Variants in ZFYVE9 observed in about 807,000 individuals in gnomAD.
ZFYVE9 encodes the protein zinc finger FYVE-type containing 9.
Under a neutral mutation model 126.7 loss-of-function variants are expected in ZFYVE9, and 43 were observed. That is an observed-to-expected ratio of 0.34 (90% CI 0.27 to 0.44). The LOEUF is 0.44. Among genes scored for constraint, ZFYVE9 ranks in the 20% least tolerant of loss-of-function variants. ZFYVE9 has a pLI of 1.00. For missense variants in ZFYVE9, 1,476 were observed against 1,697.0 expected (o/e 0.87, Z 2.29); for synonymous variants, 521 against 597.4 (o/e 0.87, Z 1.87).
At chr1:52,224,082 C>G (rs1645148555) in intron 2 of ZFYVE9, among the ~76,000 whole-genome samples, 1 of 152,104 alleles carries the variant, frequency 6.6e-6, no homozygotes, top group South Asian at 2.1e-4. Context: ...AAGCCAATAT[C>G]CCCTCCTCCT....
intron 12 of ZFYVE9, among the ~76,000 whole-genome samples, chr1:52,296,325 T>G (rs1047668433): frequency 2.0e-5 from 3 of 151,970 alleles, no homozygotes; most frequent in African/African-American, 7.2e-5. Context: ...CACCTAGCAT[T>G]CTGTCTTGTT....
intron 13 of ZFYVE9, among the ~76,000 whole-genome samples, chr1:52,331,802 CAG>C (rs1212433006): frequency 5.7e-5 from 8 of 140,410 alleles, no homozygotes; most frequent in South Asian, 2.3e-4. Context: ...TTTTTTGAGA[CAG>C]AGTCTTGCTC....
In ZFYVE9 at chr1:52,263,835, T is replaced by A. The variant is rs1367865574; in HGVS notation, c.2241T>A (p.Ala747=). ...TGTTATACATGGACAGAAAGGAAGCTAGAGTGTGTGTAATCTGCCATTCAG... is the reference window on the plus strand; with the variant it reads ...TGTTATACATGGACAGAAAGGAAGCAAGAGTGTGTGTAATCTGCCATTCAG... ...CKLLYMDRKE[A]RVCVICHSVL... The change falls in exon 5 of 19, where the codon GCT becomes GCA. Residue 747 remains alanine, a synonymous_variant. Coordinates refer to ENST00000287727, the MANE Select transcript of ZFYVE9 (RefSeq NM_004799.4). The A allele has an allele frequency of 6.6e-7, 1 of 1,511,712 alleles. No individual in the cohort carries two copies. Among genetic ancestry groups the A allele is most frequent in the Middle Eastern group, 1.8e-4 (1 of 5,554 alleles). 93.6% of individuals were successfully genotyped at this position (1,511,712 alleles called of 1,614,324 possible). A position where few individuals can be genotyped will look rare whatever the true frequency, so the allele number is the denominator to read the frequency against.
chr1:52,173,213 T>G (rs1003551190), intron 1 of ZFYVE9, among the ~76,000 whole-genome samples: 9 of 152,064 alleles, frequency 5.9e-5, no homozygotes, highest in Non-Finnish European at 1.3e-4. Context: ...TAGCATGAAG[T>G]GTTGTTGAAT....
At chr1:52,291,869 G>A (rs1223747351) in intron 10 of ZFYVE9, among the ~76,000 whole-genome samples, 2 of 127,982 alleles carry the variant, frequency 1.6e-5, no homozygotes, top group Non-Finnish European at 3.1e-5. Flanking sequence ...GTGGGTAACA[G>A]AGCGAGACTC....
At chr1:52,153,160 C>T (rs1253673398) in intron 1 of ZFYVE9, among the ~76,000 whole-genome samples, 1 of 152,228 alleles carries the variant, frequency 6.6e-6, no homozygotes, top group Non-Finnish European at 1.5e-5. Flanking sequence ...AGGCTGTTAG[C>T]TAACCAAACT....
At chr1:52,325,477 G>T (rs1000682487) in intron 13 of ZFYVE9, among the ~76,000 whole-genome samples, 1 of 152,118 alleles carries the variant, frequency 6.6e-6, no homozygotes, top group Admixed American at 6.6e-5. Context: ...CAGTGATCAT[G>T]CCACTGCACC....
At chr1:52,215,659 A>G (rs1353975130) in intron 1 of ZFYVE9, among the ~76,000 whole-genome samples, 1 of 152,182 alleles carries the variant, frequency 6.6e-6, no homozygotes, top group Non-Finnish European at 1.5e-5. Context: ...AGCTTCAACT[A>G]CTAATCTTGT....
intron 15 of ZFYVE9, among the ~76,000 whole-genome samples, chr1:52,335,442 A>C (rs1312740574): frequency 6.6e-6 from 1 of 152,216 alleles, no homozygotes; most frequent in Non-Finnish European, 1.5e-5. Flanking sequence ...GTTTGTTCAC[A>C]CACACGTCTG....
At chr1:52,163,311 T>C (rs1397729987) in intron 1 of ZFYVE9, among the ~76,000 whole-genome samples, 2 of 152,242 alleles carry the variant, frequency 1.3e-5, no homozygotes, top group African/African-American at 4.8e-5. Flanking sequence ...GTTGTTCTCC[T>C]CTACATCACT....
At chr1:52,340,848 C>G (rs1411364297) in intron 17 of ZFYVE9, among the ~76,000 whole-genome samples, 1 of 144,924 alleles carries the variant, frequency 6.9e-6, no homozygotes, top group Non-Finnish European at 1.5e-5. Context: ...TTACAGTGAG[C>G]CGAGATCACG....
chr1:52,305,407 C>T (rs865856423), intron 13 of ZFYVE9, among the ~76,000 whole-genome samples: 1 of 152,082 alleles, frequency 6.6e-6, no homozygotes, highest in African/African-American at 2.4e-5. Flanking sequence ...CCAGCCTGGG[C>T]GACAAGAGCA....
intron 1 of ZFYVE9, among the ~76,000 whole-genome samples, chr1:52,193,775 A>AATGTTTAT (rs1644836814): frequency 6.7e-6 from 1 of 148,508 alleles, no homozygotes; most frequent in African/African-American, 2.5e-5. Flanking sequence ...TTAATGTCTT[A>AATGTTTAT]ATGTTTATCT....
chr1:52,193,784 C>A (rs970502566), intron 1 of ZFYVE9, among the ~76,000 whole-genome samples: 6 of 145,180 alleles, frequency 4.1e-5, no homozygotes, highest in African/African-American at 1.5e-4. Flanking sequence ...TAATGTTTAT[C>A]TTCAAACACA....
chr1:52,183,443 T>C (rs1472366476), intron 1 of ZFYVE9, among the ~76,000 whole-genome samples: 1 of 152,186 alleles, frequency 6.6e-6, no homozygotes, highest in African/African-American at 2.4e-5. Flanking sequence ...TATGAGGAAA[T>C]TGAGACCTGT....
chr1:52,307,998 C>T (rs1227937461), intron 13 of ZFYVE9, among the ~76,000 whole-genome samples: 1 of 152,078 alleles, frequency 6.6e-6, no homozygotes, highest in Non-Finnish European at 1.5e-5. Context: ...GTGATCCACC[C>T]ACCTTGGCCT....
At chr1:52,162,446 T>A (rs1471109231) in intron 1 of ZFYVE9, 1 of 253,440 alleles carries the variant, frequency 3.9e-6, no homozygotes, top group Admixed American at 3.8e-5. Flanking sequence ...AATAGAATAA[T>A]CCACCCGAAT....
rs12026312 is a variant in ZFYVE9, at chr1:52,278,760, T to C, written c.2869+146T>C. ...TTTTTTTTTTGAGACAGAATCTCGCTGTGTCACCCAGGCTGGAGTGCAGTG... is the reference window on the plus strand; with the variant it reads ...TTTTTTTTTTGAGACAGAATCTCGCCGTGTCACCCAGGCTGGAGTGCAGTG... On this transcript the variant is annotated intron_variant, in intron 9 of 18. Coordinates refer to ENST00000287727, the MANE Select transcript of ZFYVE9 (RefSeq NM_004799.4). The C allele has an allele frequency of 8.3e-3, 5,312 of 637,496 alleles. 190 individuals carry two copies. The East Asian group carries it at 0.085, about 10-fold the overall frequency. 39.5% of individuals were successfully genotyped at this position (637,496 alleles called of 1,614,324 possible).
rs1186290516 is a variant in ZFYVE9, at chr1:52,181,470, A to G, written c.-142-34899A>G. On this transcript the variant is annotated intron_variant, in intron 1 of 18. Transcript: ENST00000287727. Reference sequence around the variant, plus strand: ...CCCAGCCGCCTGCCTTGGCCTCCCAAAGTGCCGAGATTGCAGCCTCTGCCC... The same window carrying G: ...CCCAGCCGCCTGCCTTGGCCTCCCAGAGTGCCGAGATTGCAGCCTCTGCCC... Among the ~76,000 whole-genome samples, 3 of 152,232 alleles carry G rather than the reference A, an allele frequency of 2.0e-5. No homozygotes were observed. In the East Asian group the frequency reaches 5.8e-4, roughly 29 times the overall value.
Sources: allele counts gnomAD v4.1 joint callset (sites outside exome capture counted in the v4.1 genomes callset), GRCh38; gene constraint gnomAD v4.1.1; transcripts MANE v1.5; gene names NCBI Gene and HGNC (gene_info 2026-07-23, HGNC 2026-07-21).